Variants in PAPSS2 observed in about 807,000 individuals in gnomAD.
PAPSS2 encodes the protein 3'-phosphoadenosine 5'-phosphosulfate synthase 2.
In PAPSS2, 61 loss-of-function variants were observed where a neutral mutation model predicts 66.5. That is an observed-to-expected ratio of 0.92 (90% CI 0.75 to 1.14). The LOEUF is 1.14. Ranked by LOEUF, PAPSS2 falls within the 50% of genes most tolerant of loss-of-function variation. The probability of loss-of-function intolerance (pLI) is 0.00; values close to 1 mark genes in which losing one functional copy is unlikely to be tolerated. For synonymous variants in PAPSS2, 289 were observed against 287.5 expected (o/e 1.01, Z -0.05); for missense variants, 708 against 789.6 (o/e 0.90, Z 1.24).
chr10:87,696,253 C>CA (rs1435647359), intron 1 of PAPSS2, among the ~76,000 whole-genome samples: 2 of 152,174 alleles, frequency 1.3e-5, no homozygotes, highest in African/African-American at 2.4e-5. Flanking sequence ...TGTCCTGTTT[C>CA]AAAAAACATA....
intron 9 of PAPSS2, among the ~76,000 whole-genome samples, chr10:87,734,217 A>T (rs1394194135): frequency 6.6e-6 from 1 of 152,116 alleles, no homozygotes; most frequent in Non-Finnish European, 1.5e-5. Context: ...TCATTCGATC[A>T]TGCGCTCTCT....
chr10:87,738,944 T>C (rs905575915), intron 9 of PAPSS2, among the ~76,000 whole-genome samples: 1 of 152,308 alleles, frequency 6.6e-6, no homozygotes, highest in Non-Finnish European at 1.5e-5. Context: ...TCAGAAAATA[T>C]GATTTTCAAA....
intron 1 of PAPSS2, among the ~76,000 whole-genome samples, chr10:87,684,740 G>A (rs1853066236): frequency 6.6e-6 from 1 of 152,172 alleles, no homozygotes; most frequent in African/African-American, 2.4e-5. Context: ...TGTGAGGTAG[G>A]TGCTATTATT....
At chr10:87,745,299 C>G (rs189129868) in intron 12 of PAPSS2, 68 bp downstream of exon 12, 23 of 1,351,036 alleles carry the variant, frequency 1.7e-5, no homozygotes, top group Middle Eastern at 3.6e-4. Context: ...AGAATTTGGG[C>G]CCTTTGAAAA....
At chr10:87,711,046 T>C (rs2131933079) in intron 2 of PAPSS2, among the ~76,000 whole-genome samples, 1 of 152,290 alleles carries the variant, frequency 6.6e-6, no homozygotes, top group South Asian at 2.1e-4. Flanking sequence ...AAGTCATCTT[T>C]TTCTAATTTA....
intron 1 of PAPSS2, among the ~76,000 whole-genome samples, chr10:87,701,319 CCTTCCTTCCTTTCTTT>C (rs1375363517): frequency 0.014 from 1,345 of 95,040 alleles, 19 homozygotes; most frequent in South Asian, 0.021. Flanking sequence ...TTCCTTCCTT[CCTTCCTTCCTTTCTTT>C]CTTTCTTTCT....
intron 1 of PAPSS2, among the ~76,000 whole-genome samples, chr10:87,661,790 G>A (rs1852756098): frequency 6.6e-6 from 1 of 152,154 alleles, no homozygotes; most frequent in Non-Finnish European, 1.5e-5. Flanking sequence ...GTGTATGTGT[G>A]TGTCTGTTTT....
At chr10:87,744,911 A>T in intron 11 of PAPSS2, 91 bp from the exon 12 acceptor site, 1 of 1,075,728 alleles carries the variant, frequency 9.3e-7, no homozygotes, top group Non-Finnish European at 1.4e-6. Flanking sequence ...TTGCTGAATT[A>T]CTTTTAAAGT....
chr10:87,728,415 C>G (rs1218749838), intron 9 of PAPSS2, among the ~76,000 whole-genome samples: 1 of 152,188 alleles, frequency 6.6e-6, no homozygotes, highest in African/African-American at 2.4e-5. Context: ...AAGGCATGCC[C>G]TCCCTCTGGG....
chr10:87,703,625 T>C, intron 1 of PAPSS2: 1 of 454,874 alleles, frequency 2.2e-6, no homozygotes, highest in Non-Finnish European at 4.3e-6. Context: ...TTCAGAGATG[T>C]TAATAACTTG....
chr10:87,670,858 G>A (rs938510257), intron 1 of PAPSS2, among the ~76,000 whole-genome samples: 1 of 152,166 alleles, frequency 6.6e-6, no homozygotes, highest in African/African-American at 2.4e-5. Context: ...TTTCTTCTCA[G>A]TGTTGAGGCT....
intron 9 of PAPSS2, among the ~76,000 whole-genome samples, chr10:87,728,064 A>G (rs1853682237): frequency 6.6e-6 from 1 of 152,190 alleles, no homozygotes; most frequent in Admixed American, 6.5e-5. Flanking sequence ...AGATTGAAAA[A>G]AATGTGTTCA....
At position 87,713,268 on chromosome 10, in the gene PAPSS2, T is replaced by C; in HGVS notation, c.339T>C (p.Ala113=). Residue 113 remains alanine (A), a synonymous_variant, in exon 3 of 13, where the codon GCT becomes GCC. Coordinates refer to ENST00000456849, the MANE Select transcript of PAPSS2 (RefSeq NM_001015880.2). The part of the protein sequence containing the change: ...IAEVAKLFAD[A]GLVCITSFIS... Reference sequence around the variant, plus strand: ...AGGTGGCTAAGCTGTTTGCTGATGCTGGTCTGGTCTGCATTACCAGCTTTA... The same window carrying C: ...AGGTGGCTAAGCTGTTTGCTGATGCCGGTCTGGTCTGCATTACCAGCTTTA... 1 of 1,582,404 alleles carries C rather than the reference T, an allele frequency of 6.3e-7. No homozygotes were observed. Among genetic ancestry groups the C allele is most frequent in the South Asian group, 1.1e-5 (1 of 90,280 alleles).
At chr10:87,696,860 G>A (rs1403112453) in intron 1 of PAPSS2, among the ~76,000 whole-genome samples, 1 of 152,044 alleles carries the variant, frequency 6.6e-6, no homozygotes, top group Non-Finnish European at 1.5e-5. Flanking sequence ...TAGAAGTTTT[G>A]GATTTACAGA....
At chr10:87,661,066 TAA>T (rs1331608641) in intron 1 of PAPSS2, 1 of 455,648 alleles carries the variant, frequency 2.2e-6, no homozygotes. Context: ...AGGTGCCTGA[TAA>T]ATGTTTATTC....
intron 11 of PAPSS2, among the ~76,000 whole-genome samples, chr10:87,743,914 C>T (rs1052425384): frequency 2.0e-5 from 3 of 152,062 alleles, no homozygotes; most frequent in Non-Finnish European, 4.4e-5. Flanking sequence ...GCCACCTGAC[C>T]AACATGATGA....
chr10:87,682,054 G>C (rs931771161), intron 1 of PAPSS2, among the ~76,000 whole-genome samples: 1 of 152,174 alleles, frequency 6.6e-6, no homozygotes, highest in Non-Finnish European at 1.5e-5. Context: ...TTTTGAAGAA[G>C]GGACATGATT....
intron 7 of PAPSS2, among the ~76,000 whole-genome samples, chr10:87,719,070 A>T (rs367791974): frequency 6.6e-6 from 1 of 152,200 alleles, no homozygotes; most frequent in Non-Finnish European, 1.5e-5. Context: ...CCCAGTTATG[A>T]TCAGGATTCT....
At chr10:87,738,909 A>G (rs1853832967) in intron 9 of PAPSS2, among the ~76,000 whole-genome samples, 1 of 152,050 alleles carries the variant, frequency 6.6e-6, no homozygotes, top group African/African-American at 2.4e-5. Flanking sequence ...AGGAGTTTTT[A>G]TATATTCTGG....
Sources: gnomAD v4.1 joint callset for allele counts (sites outside exome capture counted in the v4.1 genomes callset) on GRCh38, gnomAD v4.1.1 for gene constraint, MANE v1.5 for transcripts, NCBI Gene and HGNC (gene_info 2026-07-23, HGNC 2026-07-21) for gene names.